The following ROBO1 variants were observed in gnomAD, a reference collection of about 807,000 sequenced individuals.
ROBO1 encodes roundabout guidance receptor 1.
Under a neutral mutation model 195.9 loss-of-function variants are expected in ROBO1, and 149 were observed. That is an observed-to-expected ratio of 0.76 (90% CI 0.67 to 0.87). The LOEUF is 0.87. Among genes scored for constraint, ROBO1 ranks in the 40% least tolerant of loss-of-function variants. ROBO1 has a pLI of 0.00. For synonymous variants in ROBO1, 816 were observed against 733.2 expected (o/e 1.11, Z -1.82); for missense variants, 1,933 against 2,068.3 (o/e 0.93, Z 1.27).
intron 4 of ROBO1, among the ~76,000 whole-genome samples, chr3:78,931,609 G>A (rs900660626): frequency 2.0e-5 from 3 of 152,058 alleles, no homozygotes; most frequent in Non-Finnish European, 4.4e-5. Flanking sequence ...TATCCACCAA[G>A]GGTATTTAAC....
At chr3:78,773,195 C>A (rs2083421481) in intron 4 of ROBO1, among the ~76,000 whole-genome samples, 1 of 151,940 alleles carries the variant, frequency 6.6e-6, no homozygotes, top group Non-Finnish European at 1.5e-5. Flanking sequence ...CTATTATTAT[C>A]CCATTTTATT....
At chr3:79,153,018 A>G (rs2080799676) in intron 2 of ROBO1, among the ~76,000 whole-genome samples, 1 of 151,800 alleles carries the variant, frequency 6.6e-6, no homozygotes, top group African/African-American at 2.4e-5. Context: ...AGAACCTCAC[A>G]GGTAATGGAG....
chr3:78,655,854 C>T lies in ROBO1; in HGVS notation c.2614+1244G>A, dbSNP rs113097798. ...ATATTAATAACATATACTAATATTTCGCTAGTAATAAAATACTACTAATGC... is the reference window on the plus strand; with the variant it reads ...ATATTAATAACATATACTAATATTTTGCTAGTAATAAAATACTACTAATGC... On this transcript the variant is annotated intron_variant, in intron 18 of 30. Coordinates refer to ENST00000464233, the MANE Select transcript of ROBO1 (RefSeq NM_002941.4). 7.8e-3 allele frequency among the ~76,000 whole-genome samples: 1,184 copies of T among 152,184 alleles called. 10 individuals carry two copies. Among genetic ancestry groups the T allele is most frequent in the African/African-American group, 0.027 (1,125 of 41,526 alleles).
At chr3:79,603,461 G>A (rs1944396884) in intron 1 of ROBO1, among the ~76,000 whole-genome samples, 2 of 151,942 alleles carry the variant, frequency 1.3e-5, no homozygotes, top group African/African-American at 4.8e-5. Flanking sequence ...TCTGCTTAGT[G>A]AGTGGTATCC....
chr3:79,000,218 C>G (rs888687229), intron 3 of ROBO1, among the ~76,000 whole-genome samples: 3 of 152,100 alleles, frequency 2.0e-5, no homozygotes, highest in Non-Finnish European at 4.4e-5. Flanking sequence ...GAGAAGTGCA[C>G]AGCAAAAGAG....
chr3:78,802,322 G>A (rs766311540), intron 4 of ROBO1, among the ~76,000 whole-genome samples: 10 of 152,098 alleles, frequency 6.6e-5, no homozygotes, highest in Non-Finnish European at 1.3e-4. Context: ...TGGGAAACTA[G>A]TTGCAAGAAC....
intron 10 of ROBO1, among the ~76,000 whole-genome samples, chr3:78,682,482 T>A (rs2080942538): frequency 7.4e-6 from 1 of 135,326 alleles, no homozygotes; most frequent in Admixed American, 7.3e-5. Context: ...TGACTGTGTA[T>A]ATATGTGTAT....
At chr3:79,744,579 T>C (rs1340372185) in intron 1 of ROBO1, among the ~76,000 whole-genome samples, 1 of 152,036 alleles carries the variant, frequency 6.6e-6, no homozygotes, top group African/African-American at 2.4e-5. Context: ...AAGAAGACCC[T>C]CACCAAGAGA....
At chr3:79,240,812 T>C (rs1037377057) in intron 2 of ROBO1, among the ~76,000 whole-genome samples, 1 of 152,028 alleles carries the variant, frequency 6.6e-6, no homozygotes, top group African/African-American at 2.4e-5. Flanking sequence ...TGGCTAGTTT[T>C]AAAATTTTTT....
At chr3:79,466,164 C>A (rs1288219721) in intron 2 of ROBO1, among the ~76,000 whole-genome samples, 3 of 151,978 alleles carry the variant, frequency 2.0e-5, no homozygotes, top group Admixed American at 1.3e-4. Context: ...GTATATTTGA[C>A]AAAATTTATC....
At chr3:79,748,216 A>G (rs970642448) in intron 1 of ROBO1, among the ~76,000 whole-genome samples, 4 of 152,220 alleles carry the variant, frequency 2.6e-5, no homozygotes, top group African/African-American at 9.6e-5. Context: ...AGAGACCATC[A>G]GCTACCTGAT....
chr3:78,709,092 A>G (rs2107998624), intron 8 of ROBO1, among the ~76,000 whole-genome samples: 1 of 152,320 alleles, frequency 6.6e-6, no homozygotes, highest in Admixed American at 6.5e-5. Flanking sequence ...TAAATGTAAC[A>G]ACACTGATGG....
intron 3 of ROBO1, among the ~76,000 whole-genome samples, chr3:79,035,729 T>TAA (rs778129211): frequency 7.7e-4 from 105 of 136,280 alleles, no homozygotes; most frequent in African/African-American, 2.6e-3. Flanking sequence ...AGACTTTATC[T>TAA]AAAAAAAAAA....
intron 4 of ROBO1, among the ~76,000 whole-genome samples, chr3:78,876,031 T>C (rs917482831): frequency 1.2e-4 from 18 of 151,930 alleles, no homozygotes. Context: ...CAAGACTTAT[T>C]CACATTATAA....
intron 2 of ROBO1, among the ~76,000 whole-genome samples, chr3:79,544,425 TA>T (rs1191645470): frequency 2.6e-5 from 4 of 152,130 alleles, no homozygotes; most frequent in African/African-American, 9.6e-5. Context: ...AGATAACTTT[TA>T]AACTTTCATG....
intron 2 of ROBO1, among the ~76,000 whole-genome samples, chr3:79,441,379 T>G (rs531795096): frequency 6.6e-6 from 1 of 152,270 alleles, no homozygotes; most frequent in East Asian, 1.9e-4. Flanking sequence ...TGCTTGTCTG[T>G]GTCTGTGTGA....
intron 2 of ROBO1, among the ~76,000 whole-genome samples, chr3:79,506,550 T>C (rs1940408195): frequency 6.6e-6 from 1 of 151,984 alleles, no homozygotes; most frequent in Admixed American, 6.6e-5. Context: ...GTTCAAGTAA[T>C]TCTCCTGCCT....
chr3:79,312,554 G>A (rs2109098889), intron 2 of ROBO1, among the ~76,000 whole-genome samples: 1 of 152,194 alleles, frequency 6.6e-6, no homozygotes, highest in South Asian at 2.1e-4. Context: ...CCAAGATAAG[G>A]TACTATACTT....
At chr3:79,003,097 A>G (rs1315215321) in intron 3 of ROBO1, among the ~76,000 whole-genome samples, 1 of 152,158 alleles carries the variant, frequency 6.6e-6, no homozygotes, top group African/African-American at 2.4e-5. Context: ...GGGAGTGGGG[A>G]AGCAAGCTGA....
Sources: gnomAD v4.1 joint callset for allele counts (sites outside exome capture counted in the v4.1 genomes callset) on GRCh38, gnomAD v4.1.1 for gene constraint, MANE v1.5 for transcripts, NCBI Gene and HGNC (gene_info 2026-07-23, HGNC 2026-07-21) for gene names.